The following TMEM163 variants were observed in gnomAD, a reference collection of about 807,000 sequenced individuals.
TMEM163 encodes transmembrane protein 163.
TMEM163 carries 17 observed loss-of-function variants against 29.3 expected under a neutral mutation model. That is an observed-to-expected ratio of 0.58 (90% CI 0.40 to 0.87). The LOEUF (loss-of-function observed/expected upper bound fraction) is 0.87. TMEM163 is among the 40% of genes least tolerant of loss of function. The probability of loss-of-function intolerance (pLI) is 0.00; values close to 1 mark genes in which losing one functional copy is unlikely to be tolerated. For synonymous variants in TMEM163, 157 were observed against 160.6 expected, an observed-to-expected ratio of 0.98 and a Z score of 0.17; for missense variants, 303 against 381.5, an observed-to-expected ratio of 0.79 and a Z score of 1.71.
Position 134,501,109 on chromosome 2 carries a change from T to C in TMEM163, c.555+1792A>G, listed in dbSNP as rs1679687892. On this transcript the variant is annotated intron_variant, in intron 5 of 7. Transcript: ENST00000281924. Reference sequence around the variant, plus strand: ...TATCAAAACATCACTATGTACCCCATAAATTATCATTATTGTCAATTTAAA... The same window carrying C: ...TATCAAAACATCACTATGTACCCCACAAATTATCATTATTGTCAATTTAAA... Among the ~76,000 whole-genome samples, 2 of 152,184 alleles carry C rather than the reference T, an allele frequency of 1.3e-5. 1 individual carries two copies. Among genetic ancestry groups the C allele is most frequent in the East Asian group, 3.8e-4 (2 of 5,200 alleles).
At chr2:134,502,863 T>G (rs199986230) in intron 5 of TMEM163, 38 bp downstream of exon 5, 39 of 1,599,438 alleles carry the variant, frequency 2.4e-5, no homozygotes, top group Non-Finnish European at 3.3e-5. Flanking sequence ...GGGCCAGCGC[T>G]GGCAGGAAGG....
intron 5 of TMEM163, among the ~76,000 whole-genome samples, chr2:134,482,754 T>C (rs909067625): frequency 6.6e-6 from 1 of 152,146 alleles, no homozygotes; most frequent in Admixed American, 6.5e-5. Context: ...CAAGTTACCG[T>C]GGATTCACAT....
rs141633357 is a variant in TMEM163 at position 134,492,141 on chromosome 2, C to T, written c.555+10760G>A. ...ATTTACACTTTCTCCTCTTATCATA[C>T]GCTTTGTCTTCTTATTGTCTATTTA... On this transcript the variant is annotated intron_variant, in intron 5 of 7. Coordinates refer to ENST00000281924, the MANE Select transcript of TMEM163 (RefSeq NM_030923.5). Among the ~76,000 whole-genome samples, 350 of 152,314 alleles carry T rather than the reference C, an allele frequency of 2.3e-3. 2 individuals are homozygous for T. Among genetic ancestry groups the T allele is most frequent in the African/African-American group, 8.0e-3 (333 of 41,562 alleles).
At chr2:134,483,887 C>T (rs570676000) in intron 5 of TMEM163, among the ~76,000 whole-genome samples, 141 of 152,302 alleles carry the variant, frequency 9.3e-4, no homozygotes, top group Non-Finnish European at 1.5e-3. Context: ...CTCACGCCTC[C>T]AATCCCAGCA....
chr2:134,596,980 C>T (rs927073548), intron 2 of TMEM163, among the ~76,000 whole-genome samples: 2 of 152,200 alleles, frequency 1.3e-5, no homozygotes, highest in Non-Finnish European at 2.9e-5. Flanking sequence ...TGAGACTTTG[C>T]TGAAGTTGCT....
At position 134,693,377 on chromosome 2, in the gene TMEM163, C is replaced by T. The variant is rs143192081; in HGVS notation, c.322+19823G>A. Among the ~76,000 whole-genome samples, 685 of 152,182 alleles carry T rather than the reference C, an allele frequency of 4.5e-3. 6 individuals are homozygous for T. Among genetic ancestry groups the T allele is most frequent in the African/African-American group, 0.016 (650 of 41,512 alleles). ...ATCCCAGCACTTTGGCAGGCCAAGG[C>T]GGGTGGATCACCTGAGGTCAGGAGT... On this transcript the variant is annotated intron_variant, in intron 2 of 7. Coordinates refer to ENST00000281924, the MANE Select transcript of TMEM163 (RefSeq NM_030923.5).
At chr2:134,534,821 T>A (rs964996708) in intron 4 of TMEM163, among the ~76,000 whole-genome samples, 1 of 150,742 alleles carries the variant, frequency 6.6e-6, no homozygotes, top group Non-Finnish European at 1.5e-5. Flanking sequence ...CCGTAAAGAG[T>A]CTCTCTGTGA....
At chr2:134,689,112 T>TTTG (rs1482389762) in intron 2 of TMEM163, among the ~76,000 whole-genome samples, 7 of 108,996 alleles carry the variant, frequency 6.4e-5, no homozygotes, top group African/African-American at 2.0e-4. Flanking sequence ...TTTGTTTTGT[T>TTTG]TTTTTTTTTT....
intron 2 of TMEM163, among the ~76,000 whole-genome samples, chr2:134,571,110 C>A (rs749639494): frequency 1.1e-4 from 16 of 152,060 alleles, no homozygotes. Context: ...AATTAGGAAC[C>A]GATTCACACA....
At chr2:134,571,661 G>A (rs919478058) in intron 2 of TMEM163, among the ~76,000 whole-genome samples, 1 of 152,322 alleles carries the variant, frequency 6.6e-6, no homozygotes, top group South Asian at 2.1e-4. Flanking sequence ...ATCGGCAGAA[G>A]GAAAAGGTGC....
intron 5 of TMEM163, among the ~76,000 whole-genome samples, chr2:134,475,874 A>T (rs916628830): frequency 1.2e-4 from 19 of 152,354 alleles, no homozygotes; most frequent in Admixed American, 1.2e-3. Context: ...GAACTCTCAT[A>T]TGTTGCTGGT....
chr2:134,660,902 T>C (rs1488456584), intron 2 of TMEM163, among the ~76,000 whole-genome samples: 1 of 152,168 alleles, frequency 6.6e-6, no homozygotes, highest in African/African-American at 2.4e-5. Context: ...CACTTTGCTA[T>C]GGTTTGAATG....
chr2:134,581,689 C>T (rs183125903), intron 2 of TMEM163, among the ~76,000 whole-genome samples: 45 of 152,236 alleles, frequency 3.0e-4, no homozygotes, highest in Admixed American at 9.8e-4. Context: ...AAAGTCAAGT[C>T]AGCTCATTTT....
At chr2:134,691,768 A>G (rs1460511921) in intron 2 of TMEM163, among the ~76,000 whole-genome samples, 6 of 152,196 alleles carry the variant, frequency 3.9e-5, no homozygotes, top group African/African-American at 9.7e-5. Context: ...ACCAACTCCA[A>G]TGAACAGTCT....
chr2:134,462,470 G>C (rs554120195), intron 6 of TMEM163, among the ~76,000 whole-genome samples: 1 of 152,244 alleles, frequency 6.6e-6, no homozygotes, highest in South Asian at 2.1e-4. Context: ...GTAAGGAAGG[G>C]ACTCCCCCAT....
At chr2:134,697,080 T>A (rs1304267238) in intron 2 of TMEM163, among the ~76,000 whole-genome samples, 1 of 152,178 alleles carries the variant, frequency 6.6e-6, no homozygotes, top group Non-Finnish European at 1.5e-5. Context: ...CCGGCTTCCC[T>A]TAGCTTTTCT....
At chr2:134,465,315 A>C (rs950770966) in intron 6 of TMEM163, among the ~76,000 whole-genome samples, 1 of 152,122 alleles carries the variant, frequency 6.6e-6, no homozygotes, top group Non-Finnish European at 1.5e-5. Flanking sequence ...CATATATATA[A>C]ACTTTTTAAA....
intron 4 of TMEM163, among the ~76,000 whole-genome samples, chr2:134,516,747 A>ATG (rs1432305007): frequency 6.7e-6 from 1 of 148,668 alleles, no homozygotes; most frequent in Non-Finnish European, 1.5e-5. Context: ...ATATGCATAT[A>ATG]TATATGAATA....
At chr2:134,550,242 G>T (rs1281903279) in intron 4 of TMEM163, among the ~76,000 whole-genome samples, 1 of 152,148 alleles carries the variant, frequency 6.6e-6, no homozygotes, top group Admixed American at 6.5e-5. Flanking sequence ...TTACTTAGAA[G>T]AAAAACAGCA....
Sources: allele counts gnomAD v4.1 joint callset (sites outside exome capture counted in the v4.1 genomes callset), GRCh38; gene constraint gnomAD v4.1.1; transcripts MANE v1.5; gene names NCBI Gene and HGNC (gene_info 2026-07-23, HGNC 2026-07-21).